Variants in HIKESHI observed in about 807,000 individuals in gnomAD.
HIKESHI encodes the protein protein Hikeshi.
A neutral mutation model predicts 25.7 loss-of-function variants in HIKESHI; 13 were observed. That is an observed-to-expected ratio of 0.51 (90% CI 0.33 to 0.80). The LOEUF is 0.80. Among genes scored for constraint, HIKESHI ranks in the 30% least tolerant of loss-of-function variants. The probability of loss-of-function intolerance (pLI) is 0.02; values close to 1 mark genes in which losing one functional copy is unlikely to be tolerated. For missense variants in HIKESHI, 174 were observed against 229.5 expected, an observed-to-expected ratio of 0.76 and a Z score of 1.56; for synonymous variants, 76 against 78.7, an observed-to-expected ratio of 0.97 and a Z score of 0.18.
At chr11:86,319,584 A>G (rs1947099304) in intron 2 of HIKESHI, among the ~76,000 whole-genome samples, 1 of 150,968 alleles carries the variant, frequency 6.6e-6, no homozygotes, top group South Asian at 2.1e-4. Flanking sequence ...TATCAAATTG[A>G]ATATCTGTAA....
chr11:86,331,796 A>G (rs1390100026), intron 2 of HIKESHI, among the ~76,000 whole-genome samples: 1 of 152,146 alleles, frequency 6.6e-6, no homozygotes, highest in African/African-American at 2.4e-5. Context: ...AGGTTTGTCT[A>G]GGTATCAATA....
intron 2 of HIKESHI, among the ~76,000 whole-genome samples, chr11:86,319,787 T>C (rs11234615): frequency 0.058 from 8,869 of 152,236 alleles, 293 homozygotes; most frequent in Middle Eastern, 0.082. Context: ...AATCAGATTT[T>C]AGTTTTTTAA....
At chr11:86,324,274 T>G (rs1270418337) in intron 2 of HIKESHI, 1 of 152,204 alleles carries the variant, frequency 6.6e-6, no homozygotes, top group Non-Finnish European at 1.5e-5. Flanking sequence ...GCCTCCCAAG[T>G]AGGTAGGACC....
intron 3 of HIKESHI, chr11:86,343,634 C>CA (rs1234835738): frequency 6.6e-6 from 1 of 152,114 alleles, no homozygotes; most frequent in Non-Finnish European, 1.5e-5. Context: ...GACCCTGTCT[C>CA]AAAAACAAAC....
At chr11:86,342,851 C>A (rs1947771242) in intron 3 of HIKESHI, among the ~76,000 whole-genome samples, 1 of 152,070 alleles carries the variant, frequency 6.6e-6, no homozygotes, top group African/African-American at 2.4e-5. Context: ...TTCCTCCTCA[C>A]AGTCATCAAA....
At chr11:86,317,331 A>C (rs1294929374) in intron 2 of HIKESHI, among the ~76,000 whole-genome samples, 1 of 151,854 alleles carries the variant, frequency 6.6e-6, no homozygotes, top group Non-Finnish European at 1.5e-5. Context: ...TCAAAAACAG[A>C]AACAAAAAAA....
At chr11:86,328,778 T>C (rs907508564) in intron 2 of HIKESHI, among the ~76,000 whole-genome samples, 1 of 152,026 alleles carries the variant, frequency 6.6e-6, no homozygotes, top group Non-Finnish European at 1.5e-5. Flanking sequence ...GGTTTCACCA[T>C]GTTGGCTAGG....
At chr11:86,325,665 G>T (rs906802767) in intron 2 of HIKESHI, among the ~76,000 whole-genome samples, 1 of 151,464 alleles carries the variant, frequency 6.6e-6, no homozygotes, top group Non-Finnish European at 1.5e-5. Flanking sequence ...TGAGGTCAGG[G>T]GTTCGAGACC....
At chr11:86,315,187 A>C (rs891189313) in intron 2 of HIKESHI, among the ~76,000 whole-genome samples, 6 of 152,240 alleles carry the variant, frequency 3.9e-5, no homozygotes, top group African/African-American at 1.4e-4. Flanking sequence ...ATTAAATATA[A>C]AGTAATAAAG....
chr11:86,322,898 T>G (rs967702074), intron 2 of HIKESHI, among the ~76,000 whole-genome samples: 3 of 152,190 alleles, frequency 2.0e-5, no homozygotes, highest in Admixed American at 1.3e-4. Context: ...GCATGTTCTC[T>G]TGATACTCAC....
At chr11:86,302,586 A>G in intron 1 of HIKESHI, 108 bp downstream of exon 1, 6 of 1,328,014 alleles carry the variant, frequency 4.5e-6, no homozygotes, top group East Asian at 2.5e-5. Context: ...CCCACTTATT[A>G]TATTTTGGGT....
chr11:86,322,160 A>G (rs1565731239), intron 2 of HIKESHI, among the ~76,000 whole-genome samples: 1 of 150,456 alleles, frequency 6.6e-6, no homozygotes, highest in African/African-American at 2.4e-5. Context: ...CTGATTTTAT[A>G]TTTTTTTTAG....
At chr11:86,312,459 C>T (rs1407950758) in intron 2 of HIKESHI, among the ~76,000 whole-genome samples, 3 of 152,094 alleles carry the variant, frequency 2.0e-5, no homozygotes, top group African/African-American at 2.4e-5. Context: ...TGTGTCTGCA[C>T]GTGAGATGGG....
At chr11:86,342,699 C>T (rs187212899) in intron 3 of HIKESHI, among the ~76,000 whole-genome samples, 185 of 148,816 alleles carry the variant, frequency 1.2e-3, no homozygotes, top group Non-Finnish European at 2.4e-3. Flanking sequence ...TAGTCCTAGC[C>T]CCATGAATTG....
At chr11:86,336,794 CA>C (rs1303982942) in intron 2 of HIKESHI, among the ~76,000 whole-genome samples, 3 of 152,046 alleles carry the variant, frequency 2.0e-5, no homozygotes, top group Non-Finnish European at 4.4e-5. Flanking sequence ...ATCAAACTGT[CA>C]AAAGGTAAAG....
intron 2 of HIKESHI, among the ~76,000 whole-genome samples, chr11:86,336,974 T>A (rs1475964613): frequency 6.6e-6 from 1 of 151,766 alleles, no homozygotes; most frequent in Admixed American, 6.6e-5. Context: ...AGGAATTATA[T>A]ACTCAGCAAA....
chr11:86,333,527 T>C (rs1947473373), intron 2 of HIKESHI, among the ~76,000 whole-genome samples: 1 of 148,854 alleles, frequency 6.7e-6, no homozygotes, highest in South Asian at 2.1e-4. Context: ...AGAGTGAGAC[T>C]CTGTCTCAAC....
intron 3 of HIKESHI, among the ~76,000 whole-genome samples, chr11:86,339,073 T>C (rs1947647257): frequency 6.6e-6 from 1 of 152,062 alleles, no homozygotes; most frequent in African/African-American, 2.4e-5. Flanking sequence ...TGAGACGGAG[T>C]CTCACTCTGT....
At chr11:86,320,675 A>T (rs1947123486) in intron 2 of HIKESHI, among the ~76,000 whole-genome samples, 1 of 152,242 alleles carries the variant, frequency 6.6e-6, no homozygotes, top group African/African-American at 2.4e-5. Flanking sequence ...TTTGAAGTGT[A>T]CAGTTTGATA....
Sources: allele counts gnomAD v4.1 joint callset (sites outside exome capture counted in the v4.1 genomes callset), GRCh38; gene constraint gnomAD v4.1.1; transcripts MANE v1.5; gene names NCBI Gene and HGNC (gene_info 2026-07-23, HGNC 2026-07-21).